The following FAT3 variants were observed in gnomAD, a reference collection of about 807,000 sequenced individuals.
FAT3 encodes the protein FAT atypical cadherin 3, also known as protocadherin Fat 3.
A neutral mutation model predicts 310.2 loss-of-function variants in FAT3; 95 were observed. The ratio of observed to expected loss-of-function variants is 0.31; its 90% CI spans 0.26 to 0.36. FAT3 has a LOEUF of 0.36. FAT3 is among the 10% of genes least tolerant of loss of function. The pLI is 1.00. For synonymous variants in FAT3, 2,314 were observed against 2,192.9 expected, an observed-to-expected ratio of 1.06 and a Z score of -1.54; for missense variants, 5,408 against 5,715.6, an observed-to-expected ratio of 0.95 and a Z score of 1.74.
intron 3 of FAT3, among the ~76,000 whole-genome samples, chr11:92,648,037 A>G (rs572152606): frequency 6.6e-6 from 1 of 152,234 alleles, no homozygotes. Flanking sequence ...TTTCAGTAGG[A>G]ATTCACCTGA....
At chr11:92,544,857 C>G (rs553824010) in intron 3 of FAT3, among the ~76,000 whole-genome samples, 1 of 152,164 alleles carries the variant, frequency 6.6e-6, no homozygotes, top group South Asian at 2.1e-4. Flanking sequence ...GATACTAGTG[C>G]TCTAACAGGT....
chr11:92,874,421 A>G (rs1460789678), intron 22 of FAT3, among the ~76,000 whole-genome samples: 1 of 152,236 alleles, frequency 6.6e-6, no homozygotes, highest in African/African-American at 2.4e-5. Context: ...GGAAGTAACA[A>G]CAAGCTCTTC....
intron 1 of FAT3, among the ~76,000 whole-genome samples, chr11:92,238,010 C>T (rs188026895): frequency 1.1e-4 from 17 of 152,186 alleles, no homozygotes; most frequent in African/African-American, 4.1e-4. Context: ...ATATTAATAT[C>T]ATCATTTCAC....
chr11:92,660,846 C>CA (rs1443833460), intron 3 of FAT3, among the ~76,000 whole-genome samples: 1 of 152,180 alleles, frequency 6.6e-6, no homozygotes, highest in African/African-American at 2.4e-5. Context: ...ATCTTCTCTA[C>CA]AATCATAAGC....
intron 3 of FAT3, among the ~76,000 whole-genome samples, chr11:92,558,150 A>G (rs948889793): frequency 6.6e-6 from 1 of 152,174 alleles, no homozygotes; most frequent in Admixed American, 6.6e-5. Flanking sequence ...TCCCCAGGAG[A>G]GCAGAGGGTA....
chr11:92,653,533 T>C (rs1220798716), intron 3 of FAT3, among the ~76,000 whole-genome samples: 1 of 152,318 alleles, frequency 6.6e-6, no homozygotes, highest in East Asian at 1.9e-4. Context: ...CCAAATCATA[T>C]CTGCTTTCCA....
At chr11:92,686,820 T>C (rs187656030) in intron 3 of FAT3, among the ~76,000 whole-genome samples, 12 of 152,330 alleles carry the variant, frequency 7.9e-5, no homozygotes, top group Admixed American at 7.8e-4. Flanking sequence ...ACTTTGCACA[T>C]TCTCTGAGTA....
intron 2 of FAT3, among the ~76,000 whole-genome samples, chr11:92,356,867 A>G (rs894603891): frequency 1.3e-5 from 2 of 152,180 alleles, no homozygotes; most frequent in Admixed American, 1.3e-4. Flanking sequence ...TTAAGAAACT[A>G]TATTAAATAT....
At chr11:92,565,086 A>C (rs1955379953) in intron 3 of FAT3, among the ~76,000 whole-genome samples, 1 of 141,682 alleles carries the variant, frequency 7.1e-6, no homozygotes, top group Non-Finnish European at 1.6e-5. Context: ...CAAAAAATTA[A>C]TGAATCCAGG....
chr11:92,676,245 T>C (rs189860223), intron 3 of FAT3, among the ~76,000 whole-genome samples: 5 of 152,350 alleles, frequency 3.3e-5, no homozygotes, highest in Admixed American at 3.3e-4. Context: ...AAGGCAGTTA[T>C]TCGCATGTGC....
chr11:92,736,011 G>T lies in FAT3; in HGVS notation c.3670-25845G>T, dbSNP rs548743325. ...CAGCTCAGAAGCAGTGGAAAAACCA[G>T]CATTCTTATGGCAAACCTGTCTGAT... On this transcript the variant is annotated intron_variant, in intron 4 of 27. Coordinates refer to ENST00000525166, the MANE Select transcript of FAT3 (RefSeq NM_001367949.2). Among the ~76,000 whole-genome samples, 7 of 152,236 alleles carry T rather than the reference G, an allele frequency of 4.6e-5. No individual in the cohort carries two copies. The East Asian group carries it at 1.4e-3, about 29-fold the overall frequency.
chr11:92,563,530 A>G (rs74687966), intron 3 of FAT3, among the ~76,000 whole-genome samples: 180 of 152,172 alleles, frequency 1.2e-3, no homozygotes, highest in African/African-American at 3.9e-3. Context: ...GTTTCAGTCA[A>G]GAGATATGAA....
At chr11:92,328,466 A>G (rs532766457) in intron 1 of FAT3, among the ~76,000 whole-genome samples, 13 of 152,352 alleles carry the variant, frequency 8.5e-5, no homozygotes, top group African/African-American at 3.1e-4. Flanking sequence ...TACAAGGTAA[A>G]TGAACTAAGT....
intron 13 of FAT3, among the ~76,000 whole-genome samples, chr11:92,817,635 G>A (rs1947856809): frequency 1.3e-5 from 2 of 152,202 alleles, no homozygotes; most frequent in Admixed American, 1.3e-4. Flanking sequence ...GAATGAACTG[G>A]GTTTTCCAAA....
At chr11:92,521,344 C>T (rs936806979) in intron 2 of FAT3, among the ~76,000 whole-genome samples, 1 of 152,104 alleles carries the variant, frequency 6.6e-6, no homozygotes, top group Non-Finnish European at 1.5e-5. Context: ...GGGCAAATCA[C>T]AAAGACTGTG....
intron 4 of FAT3, among the ~76,000 whole-genome samples, chr11:92,703,140 C>T (rs1444663890): frequency 1.3e-5 from 2 of 152,156 alleles, no homozygotes; most frequent in Non-Finnish European, 2.9e-5. Flanking sequence ...AAGTTCTCAT[C>T]CCTTTTTATA....
chr11:92,640,091 T>A (rs1409898581), intron 3 of FAT3, among the ~76,000 whole-genome samples: 1 of 152,180 alleles, frequency 6.6e-6, no homozygotes, highest in Non-Finnish European at 1.5e-5. Flanking sequence ...TCTGATTTTT[T>A]TTGCCCTTTT....
Position 92,854,892 on chromosome 11 carries a change from C to T in FAT3, c.11366-2322C>T, listed in dbSNP as rs548316799. 7.9e-5 allele frequency among the ~76,000 whole-genome samples: 12 copies of T among 152,248 alleles called. No homozygotes were observed. In the East Asian group the frequency reaches 1.5e-3, roughly 20 times the overall value. On this transcript the variant is annotated intron_variant, in intron 19 of 27. Transcript: ENST00000525166. ...ATAAAGAGGTTTAGACTTAGACTGGCTGAAATAGAAGGGAAAGGGCATGTC... is the reference window on the plus strand; with the variant it reads ...ATAAAGAGGTTTAGACTTAGACTGGTTGAAATAGAAGGGAAAGGGCATGTC...
chr11:92,873,010 A>G (rs558834521), intron 22 of FAT3, among the ~76,000 whole-genome samples: 11 of 152,292 alleles, frequency 7.2e-5, no homozygotes, highest in African/African-American at 2.6e-4. Flanking sequence ...CATCAGAATA[A>G]AAAAACTCCC....
Sources: gnomAD v4.1 joint callset for allele counts (sites outside exome capture counted in the v4.1 genomes callset) on GRCh38, gnomAD v4.1.1 for gene constraint, MANE v1.5 for transcripts, NCBI Gene and HGNC (gene_info 2026-07-23, HGNC 2026-07-21) for gene names.